Variants in RORA observed in about 807,000 individuals in gnomAD.
RORA encodes RAR related orphan receptor A.
A neutral mutation model predicts 69.5 loss-of-function variants in RORA; 7 were observed. That is an observed-to-expected ratio of 0.10 (90% CI 0.06 to 0.19). RORA has a LOEUF of 0.19. Ranked by LOEUF, RORA falls within the 10% of genes least tolerant of loss-of-function variation. The probability of loss-of-function intolerance (pLI) is 1.00; values close to 1 mark genes in which losing one functional copy is unlikely to be tolerated. For synonymous variants in RORA, 261 were observed against 240.8 expected, an observed-to-expected ratio of 1.08 and a Z score of -0.78; for missense variants, 457 against 663.0, an observed-to-expected ratio of 0.69 and a Z score of 3.41.
chr15:60,760,818 T>C (rs138094187), intron 1 of RORA, among the ~76,000 whole-genome samples: 14 of 152,164 alleles, frequency 9.2e-5, no homozygotes, highest in Admixed American at 3.9e-4. Context: ...TTCTGGGTAA[T>C]TGAATGACGA....
At chr15:61,001,101 T>TTAGACA (rs1595870598) in intron 1 of RORA, among the ~76,000 whole-genome samples, 1 of 152,218 alleles carries the variant, frequency 6.6e-6, no homozygotes, top group African/African-American at 2.4e-5. Flanking sequence ...AACCCACTGG[T>TTAGACA]TTCTTGTAAG....
At chr15:60,518,727 T>C (rs1436554534) in intron 3 of RORA, among the ~76,000 whole-genome samples, 1 of 152,218 alleles carries the variant, frequency 6.6e-6, no homozygotes, top group Non-Finnish European at 1.5e-5. Context: ...CTCATCCTGC[T>C]GCACCTTCCT....
At chr15:60,808,352 C>A (rs749693279) in intron 1 of RORA, among the ~76,000 whole-genome samples, 1 of 152,142 alleles carries the variant, frequency 6.6e-6, no homozygotes, top group Non-Finnish European at 1.5e-5. Flanking sequence ...CAAATCAAAA[C>A]CACAGTGGAA....
intron 1 of RORA, among the ~76,000 whole-genome samples, chr15:60,903,199 G>A (rs1360312894): frequency 5.9e-5 from 9 of 152,148 alleles, no homozygotes; most frequent in Admixed American, 3.3e-4. Flanking sequence ...TCCAGGAGAA[G>A]ACAATGTAGA....
intron 1 of RORA, among the ~76,000 whole-genome samples, chr15:61,215,031 A>ATT (rs61132940): frequency 1.1e-4 from 9 of 80,638 alleles, no homozygotes; most frequent in African/African-American, 4.0e-4. Flanking sequence ...CGCCCAGCTA[A>ATT]TTTTTTTTTT....
chr15:61,183,511 G>A (rs1233471024), intron 1 of RORA, among the ~76,000 whole-genome samples: 1 of 148,484 alleles, frequency 6.7e-6, no homozygotes. Context: ...CTCTAGCCTG[G>A]GCAACAAGAG....
chr15:61,027,693 T>C (rs1423418561), intron 1 of RORA, among the ~76,000 whole-genome samples: 1 of 152,218 alleles, frequency 6.6e-6, no homozygotes, highest in Non-Finnish European at 1.5e-5. Flanking sequence ...CTTTAAATCT[T>C]GCAATTAATA....
chr15:61,059,659 G>C (rs920258137), intron 1 of RORA, among the ~76,000 whole-genome samples: 3 of 151,930 alleles, frequency 2.0e-5, no homozygotes, highest in Non-Finnish European at 4.4e-5. Flanking sequence ...CTATTTATGA[G>C]TTATAATAAA....
chr15:60,948,228 C>T (rs74553468), intron 1 of RORA, among the ~76,000 whole-genome samples: 3,638 of 151,360 alleles, frequency 0.024, 172 homozygotes, highest in African/African-American at 0.084. Context: ...ATTTTTTATT[C>T]CCAGGCAAAT....
intron 1 of RORA, among the ~76,000 whole-genome samples, chr15:61,149,992 G>A (rs2079384204): frequency 6.6e-6 from 1 of 152,200 alleles, no homozygotes; most frequent in African/African-American, 2.4e-5. Context: ...CAGGAGGCAA[G>A]AACCAAACAC....
intron 1 of RORA, among the ~76,000 whole-genome samples, chr15:61,010,100 A>G (rs1437464243): frequency 6.6e-6 from 1 of 152,232 alleles, no homozygotes; most frequent in African/African-American, 2.4e-5. Context: ...CTTACCACAT[A>G]TGCTTTGGGT....
chr15:60,816,129 T>C (rs1003940809), intron 1 of RORA, among the ~76,000 whole-genome samples: 2 of 128,288 alleles, frequency 1.6e-5, no homozygotes, highest in Admixed American at 1.7e-4. Flanking sequence ...ACAGTATATG[T>C]ATTTATATAC....
intron 2 of RORA, among the ~76,000 whole-genome samples, chr15:60,676,521 T>C (rs2070554899): frequency 6.6e-6 from 1 of 152,244 alleles, no homozygotes; most frequent in Non-Finnish European, 1.5e-5. Flanking sequence ...GATCCAAATC[T>C]TTCTGTCCAT....
chr15:61,031,664 T>C (rs1458238543), intron 1 of RORA, among the ~76,000 whole-genome samples: 1 of 152,194 alleles, frequency 6.6e-6, no homozygotes, highest in African/African-American at 2.4e-5. Flanking sequence ...ATATGCATGG[T>C]ATGATGCTAT....
chr15:60,844,385 G>A (rs1318951514), intron 1 of RORA, among the ~76,000 whole-genome samples: 1 of 152,152 alleles, frequency 6.6e-6, no homozygotes, highest in Non-Finnish European at 1.5e-5. Context: ...GTTCCCAAAT[G>A]GAAAAGCCAA....
At chr15:61,106,789 T>C (rs557798359) in intron 1 of RORA, among the ~76,000 whole-genome samples, 38 of 152,348 alleles carry the variant, frequency 2.5e-4, no homozygotes, top group African/African-American at 8.2e-4. Flanking sequence ...CCAAGGGCCC[T>C]TGAATCTTCT....
intron 1 of RORA, among the ~76,000 whole-genome samples, chr15:60,945,148 C>A (rs551763766): frequency 6.6e-6 from 1 of 152,296 alleles, no homozygotes; most frequent in African/African-American, 2.4e-5. Flanking sequence ...ATATAGATAA[C>A]CTATAAAATA....
chr15:60,498,232 TC>T (rs1386197363), intron 10 of RORA, among the ~76,000 whole-genome samples: 1 of 152,160 alleles, frequency 6.6e-6, no homozygotes, highest in Non-Finnish European at 1.5e-5. Flanking sequence ...CTTGACTTCT[TC>T]TACTCCAAGA....
intron 1 of RORA, among the ~76,000 whole-genome samples, chr15:61,223,952 G>C (rs1209979374): frequency 2.9e-5 from 4 of 140,336 alleles, no homozygotes; most frequent in Non-Finnish European, 4.6e-5. Flanking sequence ...AAAGATGGGT[G>C]AAAAATTTAA....
Sources: gnomAD v4.1 joint callset for allele counts (sites outside exome capture counted in the v4.1 genomes callset) on GRCh38, gnomAD v4.1.1 for gene constraint, MANE v1.5 for transcripts, NCBI Gene and HGNC (gene_info 2026-07-23, HGNC 2026-07-21) for gene names.